The following CFAP299 variants were observed in gnomAD, a reference collection of about 807,000 sequenced individuals.
CFAP299 encodes cilia and flagella associated protein 299.
Under a neutral mutation model 27.0 loss-of-function variants are expected in CFAP299, and 21 were observed. That is an observed-to-expected ratio of 0.78 (90% CI 0.55 to 1.12). The LOEUF (loss-of-function observed/expected upper bound fraction) is 1.12. Ranked by LOEUF, CFAP299 falls within the 50% of genes most tolerant of loss-of-function variation. The pLI is 0.00. For missense variants in CFAP299, 310 were observed against 276.6 expected, an observed-to-expected ratio of 1.12 and a Z score of -0.86; for synonymous variants, 104 against 98.1, an observed-to-expected ratio of 1.06 and a Z score of -0.36.
chr4:80,386,529 G>A, intron 2 of CFAP299: 1 of 1,580,808 alleles, frequency 6.3e-7, no homozygotes. Context: ...GGGGGGTGCC[G>A]CCGGGTTTGC....
intron 2 of CFAP299, among the ~76,000 whole-genome samples, chr4:80,480,711 C>T (rs978355120): frequency 1.3e-5 from 2 of 151,898 alleles, no homozygotes; most frequent in African/African-American, 4.8e-5. Context: ...ATTATATACC[C>T]AGGATACTAC....
intron 4 of CFAP299, among the ~76,000 whole-genome samples, chr4:80,911,640 C>G (rs529645265): frequency 6.6e-6 from 1 of 152,146 alleles, no homozygotes; most frequent in South Asian, 2.1e-4. Flanking sequence ...CTAGTCAATA[C>G]CATAAATCTC....
At chr4:80,701,503 T>C (rs1174464462) in intron 3 of CFAP299, among the ~76,000 whole-genome samples, 4 of 152,036 alleles carry the variant, frequency 2.6e-5, no homozygotes, top group Non-Finnish European at 4.4e-5. Context: ...TATTTAAAAG[T>C]AATAATCCTT....
At chr4:80,515,932 A>C (rs1271328203) in intron 2 of CFAP299, among the ~76,000 whole-genome samples, 1 of 152,160 alleles carries the variant, frequency 6.6e-6, no homozygotes, top group Admixed American at 6.5e-5. Context: ...TACAAGAAAG[A>C]AGATAGAAAG....
In CFAP299 at chr4:80,520,688, T is replaced by A. The variant is rs542742815; in HGVS notation, c.243-62405T>A. ...GCATAGTGGGGAGGCAAGAATAAACTCCCAGAATTATACATACTTAAAAAT... is the reference window on the plus strand; with the variant it reads ...GCATAGTGGGGAGGCAAGAATAAACACCCAGAATTATACATACTTAAAAAT... On this transcript the variant is annotated intron_variant, in intron 2 of 5. Coordinates refer to ENST00000358105, the MANE Select transcript of CFAP299 (RefSeq NM_152770.3). Among the ~76,000 whole-genome samples, 4 of 152,210 alleles carry A rather than the reference T, an allele frequency of 2.6e-5. 1 individual carries two copies. In the South Asian group the frequency reaches 8.3e-4, roughly 32 times the overall value.
intron 2 of CFAP299, among the ~76,000 whole-genome samples, chr4:80,469,220 T>A (rs1350278120): frequency 6.6e-6 from 1 of 152,230 alleles, no homozygotes; most frequent in African/African-American, 2.4e-5. Context: ...CCCTGTGATA[T>A]GTTTTCAGAG....
intron 3 of CFAP299, among the ~76,000 whole-genome samples, chr4:80,802,706 T>C (rs1370533367): frequency 6.6e-6 from 1 of 152,050 alleles, no homozygotes; most frequent in Non-Finnish European, 1.5e-5. Flanking sequence ...AAAGAGAGTA[T>C]TTGTGTTTCT....
At chr4:80,541,936 T>TTTTAGCATTGGGAG (rs1368934753) in intron 2 of CFAP299, among the ~76,000 whole-genome samples, 1 of 151,778 alleles carries the variant, frequency 6.6e-6, no homozygotes, top group African/African-American at 2.4e-5. Flanking sequence ...GGACATTAGG[T>TTTTAGCATTGGGAG]ATATCTCCCA....
Position 80,383,077 on chromosome 4 carries a change from G to A in CFAP299, c.242+20193G>A, listed in dbSNP as rs141138090. 3.5e-3 allele frequency among the ~76,000 whole-genome samples: 530 copies of A among 152,210 alleles called. 7 individuals are homozygous for A. The highest frequency in any genetic ancestry group is 0.012 in the African/African-American group (494 of 41,530). On this transcript the variant is annotated intron_variant, in intron 2 of 5. Coordinates refer to ENST00000358105, the MANE Select transcript of CFAP299 (RefSeq NM_152770.3). ...GCATTATCCCTAGCAAGCTAATGCA[G>A]CAATAGAAAACCAAGTATTGTATGT...
chr4:80,478,010 TG>T lies in CFAP299; in HGVS notation c.243-105081del, dbSNP rs1339501516. Among the ~76,000 whole-genome samples, 5 of 152,326 alleles carry T rather than the reference TG, an allele frequency of 3.3e-5. No individual in the cohort carries two copies. The East Asian group carries it at 9.6e-4, about 29-fold the overall frequency. On this transcript the variant is annotated intron_variant, in intron 2 of 5. Coordinates refer to ENST00000358105, the MANE Select transcript of CFAP299 (RefSeq NM_152770.3). ...ATTCTGCAATCCTATTTCATTTCCC[TG>T]GAGCAGTTATTTACTCTCCCGCTGT...
intron 2 of CFAP299, among the ~76,000 whole-genome samples, chr4:80,508,108 G>C (rs1197168018): frequency 1.3e-5 from 2 of 152,122 alleles, no homozygotes; most frequent in African/African-American, 4.8e-5. Flanking sequence ...TACTGAAAAG[G>C]TGTTATTTCT....
chr4:80,587,916 A>G (rs777587588), intron 3 of CFAP299, among the ~76,000 whole-genome samples: 17 of 144,230 alleles, frequency 1.2e-4, no homozygotes, highest in Non-Finnish European at 2.1e-4. Flanking sequence ...ATGTTAGGTC[A>G]GGTTCCCTAA....
At chr4:80,406,385 G>A (rs571929494) in intron 2 of CFAP299, among the ~76,000 whole-genome samples, 6 of 151,894 alleles carry the variant, frequency 4.0e-5, no homozygotes, top group Non-Finnish European at 8.8e-5. Context: ...TTTATTTTTT[G>A]AGACAAGGCT....
chr4:80,680,652 C>A (rs992100084), intron 3 of CFAP299, among the ~76,000 whole-genome samples: 8 of 152,082 alleles, frequency 5.3e-5, no homozygotes, highest in Non-Finnish European at 1.0e-4. Flanking sequence ...TTCTGATGTT[C>A]CACATGGGAT....
At chr4:80,409,037 CAA>C (rs777242776) in intron 2 of CFAP299, among the ~76,000 whole-genome samples, 17 of 67,396 alleles carry the variant, frequency 2.5e-4, no homozygotes, top group Admixed American at 3.4e-4. Flanking sequence ...GAGACTCTTT[CAA>C]AAAAAAAAAA....
At chr4:80,800,375 TATA>T in intron 3 of CFAP299, among the ~76,000 whole-genome samples, 1 of 66,610 alleles carries the variant, frequency 1.5e-5, no homozygotes, top group African/African-American at 7.7e-5. Flanking sequence ...ATATAATATA[TATA>T]ATATATAATA....
In CFAP299 at chr4:80,691,955, G is replaced by T. The variant is rs1490882049; in HGVS notation, c.333+108772G>T. Among the ~76,000 whole-genome samples, 3 of 152,144 alleles carry T rather than the reference G, an allele frequency of 2.0e-5. No homozygotes were observed. In the East Asian group the frequency reaches 5.8e-4, roughly 29 times the overall value. ...AACTTCCATTCACAATTGCTTCAAA[G>T]AGAATAAAATACCTAGGAATCCAAC... On this transcript the variant is annotated intron_variant, in intron 3 of 5. Coordinates refer to ENST00000358105, the MANE Select transcript of CFAP299 (RefSeq NM_152770.3).
At chr4:80,776,277 C>A (rs1044852805) in intron 3 of CFAP299, among the ~76,000 whole-genome samples, 20 of 152,096 alleles carry the variant, frequency 1.3e-4, no homozygotes, top group African/African-American at 4.1e-4. Context: ...CATTTCACTA[C>A]AGTGTCAGGC....
At chr4:80,386,272 AG>A in intron 2 of CFAP299, 1 of 1,223,784 alleles carries the variant, frequency 8.2e-7, no homozygotes, top group Middle Eastern at 2.4e-4. Context: ...GTTGGAGCCC[AG>A]CCCCTCAGCT....
Sources: allele counts gnomAD v4.1 joint callset (sites outside exome capture counted in the v4.1 genomes callset), GRCh38; gene constraint gnomAD v4.1.1; transcripts MANE v1.5; gene names NCBI Gene and HGNC (gene_info 2026-07-23, HGNC 2026-07-21).